The following MPHOSPH8 variants were observed in gnomAD, a reference collection of about 807,000 sequenced individuals.
The protein encoded by MPHOSPH8 is M-phase phosphoprotein 8.
A neutral mutation model predicts 87.3 loss-of-function variants in MPHOSPH8; 45 were observed. That is an observed-to-expected ratio of 0.52 (90% CI 0.41 to 0.66). The LOEUF (loss-of-function observed/expected upper bound fraction) is 0.66, where lower values mean the gene tolerates loss of function less well. Ranked by LOEUF, MPHOSPH8 falls within the 30% of genes least tolerant of loss-of-function variation. The pLI, the probability that MPHOSPH8 is intolerant of heterozygous loss-of-function variation, is 0.00. For missense variants in MPHOSPH8, 883 were observed against 1,020.2 expected (o/e 0.87, Z 1.83); for synonymous variants, 366 against 376.9 (o/e 0.97, Z 0.33).
At chr13:19,668,278 T>C in intron 10 of MPHOSPH8, 99 bp from the exon 11 acceptor site, 1 of 1,062,034 alleles carries the variant, frequency 9.4e-7, no homozygotes, top group East Asian at 2.4e-5. Flanking sequence ...GCTGCAGGTC[T>C]TTGTTTGGAA....
chr13:19,656,233 C>T (rs777128291), intron 5 of MPHOSPH8, among the ~76,000 whole-genome samples: 1 of 132,678 alleles, frequency 7.5e-6, no homozygotes, highest in Non-Finnish European at 1.5e-5. Context: ...GAGCTAAAAT[C>T]GTGCCACTGC....
At chr13:19,660,608 G>C (rs1875472822) in intron 7 of MPHOSPH8, among the ~76,000 whole-genome samples, 1 of 152,094 alleles carries the variant, frequency 6.6e-6, no homozygotes, top group Non-Finnish European at 1.5e-5. Flanking sequence ...CATTCACTCA[G>C]CTCTTCATTT....
chr13:19,641,757 A>C (rs1171523564), intron 1 of MPHOSPH8, among the ~76,000 whole-genome samples: 1 of 151,916 alleles, frequency 6.6e-6, no homozygotes, highest in Non-Finnish European at 1.5e-5. Context: ...CGGCCTCCCA[A>C]AATGCTGGGA....
intron 5 of MPHOSPH8, among the ~76,000 whole-genome samples, chr13:19,652,471 G>A (rs890035892): frequency 3.3e-5 from 5 of 152,218 alleles, no homozygotes; most frequent in African/African-American, 1.2e-4. Context: ...TATGCCGCCA[G>A]GGCCCTGGAT....
chr13:19,635,275 C>G (rs1318358041), intron 1 of MPHOSPH8, among the ~76,000 whole-genome samples: 4 of 152,196 alleles, frequency 2.6e-5, no homozygotes, highest in Non-Finnish European at 5.9e-5. Flanking sequence ...TAATCTAGCA[C>G]TTTGGGAGGC....
chr13:19,639,132 A>G (rs907613613), intron 1 of MPHOSPH8, among the ~76,000 whole-genome samples: 21 of 151,244 alleles, frequency 1.4e-4, no homozygotes, highest in African/African-American at 5.1e-4. Context: ...GCAGCTTGGT[A>G]TGGGAGACAT....
intron 1 of MPHOSPH8, among the ~76,000 whole-genome samples, chr13:19,641,044 C>CTAT (rs1220508035): frequency 6.6e-6 from 1 of 152,138 alleles, no homozygotes; most frequent in African/African-American, 2.4e-5. Flanking sequence ...CCTATCTTTT[C>CTAT]TATTTTTCAT....
chr13:19,659,417 A>G, intron 7 of MPHOSPH8, 128 bp downstream of exon 7: 1 of 754,966 alleles, frequency 1.3e-6, no homozygotes. Flanking sequence ...TAATCCCAGC[A>G]CTTTGGGAGG....
intron 1 of MPHOSPH8, 21 bp from the exon 2 acceptor site, chr13:19,642,093 CT>C: frequency 7.6e-7 from 1 of 1,310,644 alleles, no homozygotes; most frequent in South Asian, 2.0e-5. Flanking sequence ...CTTTATTTGC[CT>C]CCTTTTATTT....
intron 5 of MPHOSPH8, among the ~76,000 whole-genome samples, chr13:19,653,346 C>CT (rs1373872593): frequency 2.0e-5 from 3 of 152,176 alleles, no homozygotes; most frequent in African/African-American, 7.2e-5. Context: ...AGAAGGAAAA[C>CT]TAACAAACAG....
At chr13:19,640,901 C>T (rs939598253) in intron 1 of MPHOSPH8, among the ~76,000 whole-genome samples, 4 of 151,986 alleles carry the variant, frequency 2.6e-5, no homozygotes, top group African/African-American at 4.8e-5. Flanking sequence ...GTGCTTGATA[C>T]GTAAGTGAAA....
intron 9 of MPHOSPH8, 104 bp from the exon 10 acceptor site, chr13:19,666,321 T>G (rs117807344): frequency 0.021 from 26,125 of 1,224,220 alleles, 655 homozygotes; most frequent in South Asian, 0.096. Flanking sequence ...TTCCATGGCC[T>G]GTGCCCTCTC....
intron 2 of MPHOSPH8, 37 bp from the exon 3 acceptor site, chr13:19,646,406 T>G (rs773797614): frequency 7.4e-7 from 1 of 1,346,944 alleles, no homozygotes; most frequent in East Asian, 2.7e-5. Flanking sequence ...AAAATCAATA[T>G]GTTAATGAAT....
chr13:19,666,445 A>C lies in MPHOSPH8; in HGVS notation c.2040A>C (p.Ser680=), dbSNP rs1341202954. The C allele has an allele frequency of 1.9e-6, 3 of 1,608,620 alleles. No individual in the cohort carries two copies. In the Admixed American group the frequency reaches 5.0e-5, roughly 27 times the overall value. ...ALMKACKRGN[S]DIVRLVIECG... The stretch of plus-strand genomic sequence containing the variant: ...CGTAGGCCTGTAAAAGAGGAAATTC[A>C]GACATCGTACGACTCGTAATTGAAT... The change falls in exon 10 of 14, where the codon TCA becomes TCC. Residue 680 remains serine, a synonymous_variant. Coordinates refer to ENST00000361479, the MANE Select transcript of MPHOSPH8 (RefSeq NM_017520.4).
chr13:19,666,460 C>T lies in MPHOSPH8; in HGVS notation c.2055C>T (p.Leu685=), dbSNP rs1297856551. 6.8e-6 allele frequency: 11 copies of T among 1,610,816 alleles called. No homozygotes were observed. The highest frequency in any genetic ancestry group is 1.6e-4 in the Middle Eastern group (1 of 6,074). The change falls in exon 10 of 14, where the codon CTC becomes CTT. Residue 685 remains leucine (L), a synonymous_variant. Transcript: ENST00000361479. ...GAGGAAATTCAGACATCGTACGACTCGTAATTGAATGTGGAGCTGACTGCA... is the reference window on the plus strand; with the variant it reads ...GAGGAAATTCAGACATCGTACGACTTGTAATTGAATGTGGAGCTGACTGCA... The part of the protein sequence containing the change: ...CKRGNSDIVR[L]VIECGADCNI...
At chr13:19,635,079 G>T (rs1873921509) in intron 1 of MPHOSPH8, among the ~76,000 whole-genome samples, 1 of 152,150 alleles carries the variant, frequency 6.6e-6, no homozygotes. Context: ...CATTAATATT[G>T]TTATTTGCAA....
At position 19,663,114 on chromosome 13, in the gene MPHOSPH8, T is replaced by G; in HGVS notation, c.2007T>G (p.Thr669=). Residue 669 remains threonine (T), a synonymous_variant, in exon 9 of 14, where the codon ACT becomes ACG. Coordinates refer to ENST00000361479, the MANE Select transcript of MPHOSPH8 (RefSeq NM_017520.4). ...FVNVQQSNGE[T]ALMKACKRGN... The stretch of plus-strand genomic sequence containing the variant: ...ATGTCCAGCAAAGCAATGGTGAGAC[T>G]GCACTGATGAAGGTAAATCCCTCCT... The G allele has an allele frequency of 1.2e-6, 2 of 1,613,370 alleles. No homozygotes were observed. Among genetic ancestry groups the G allele is most frequent in the Non-Finnish European group, 1.7e-6 (2 of 1,179,222 alleles).
At chr13:19,638,590 C>G (rs1031638273) in intron 1 of MPHOSPH8, among the ~76,000 whole-genome samples, 2 of 149,214 alleles carry the variant, frequency 1.3e-5, no homozygotes, top group Admixed American at 1.3e-4. Context: ...TCCAGCCTGA[C>G]AGAGCAAGAC....
intron 1 of MPHOSPH8, among the ~76,000 whole-genome samples, chr13:19,641,480 C>CT (rs869295535): frequency 0.013 from 958 of 72,296 alleles, 76 homozygotes; most frequent in Middle Eastern, 0.027. Context: ...GTGCCACCAT[C>CT]TTTTTTTTTT....
Sources: gnomAD v4.1 joint callset for allele counts (sites outside exome capture counted in the v4.1 genomes callset) on GRCh38, gnomAD v4.1.1 for gene constraint, MANE v1.5 for transcripts, NCBI Gene and HGNC (gene_info 2026-07-23, HGNC 2026-07-21) for gene names.